Variants in CNTNAP5 observed in about 807,000 individuals in gnomAD.
The protein encoded by CNTNAP5 is contactin-associated protein-like 5.
Under a neutral mutation model 150.2 loss-of-function variants are expected in CNTNAP5, and 72 were observed. The observed-to-expected ratio is 0.48, with a 90% CI of 0.40 to 0.58. The LOEUF (loss-of-function observed/expected upper bound fraction) is 0.58, where lower values mean the gene tolerates loss of function less well. Ranked by LOEUF, CNTNAP5 falls within the 20% of genes least tolerant of loss-of-function variation. The pLI is 0.00. For synonymous variants in CNTNAP5, 672 were observed against 619.8 expected (o/e 1.08, Z -1.25); for missense variants, 1,636 against 1,626.2 (o/e 1.01, Z -0.10).
rs1202216472 is a variant in CNTNAP5, at chr2:124,919,464, T to G, written c.*5176T>G. ...CATGAACAAAGGTTAATGCAAAAGT[T>G]GGTTTTGGTTTCAACCACACCTGCT... On this transcript the variant is annotated 3_prime_UTR_variant, in exon 24 of 24. Coordinates refer to ENST00000682447, the MANE Select transcript of CNTNAP5 (RefSeq NM_001367498.1). 6.6e-6 allele frequency among the ~76,000 whole-genome samples: 1 copy of G among 152,086 alleles called. No homozygotes were observed. The highest frequency in any genetic ancestry group is 2.4e-5 in the African/African-American group (1 of 41,450).
chr2:124,352,933 G>A (rs1689908841), intron 3 of CNTNAP5, among the ~76,000 whole-genome samples: 1 of 152,164 alleles, frequency 6.6e-6, no homozygotes, highest in Non-Finnish European at 1.5e-5. Flanking sequence ...TTTTCACAAT[G>A]AAGTAGTGAT....
chr2:124,336,049 T>TAA (rs562107713), intron 3 of CNTNAP5, among the ~76,000 whole-genome samples: 1 of 148,460 alleles, frequency 6.7e-6, no homozygotes. Context: ...ATGAGGGAGA[T>TAA]AAAAAAAAAA....
intron 16 of CNTNAP5, among the ~76,000 whole-genome samples, chr2:124,772,178 T>A (rs1236876624): frequency 1.3e-5 from 2 of 152,146 alleles, no homozygotes; most frequent in African/African-American, 2.4e-5. Flanking sequence ...TACTTCTGAC[T>A]GGGTGCCATC....
chr2:124,303,827 T>A (rs1370786967), intron 3 of CNTNAP5, among the ~76,000 whole-genome samples: 4 of 151,252 alleles, frequency 2.6e-5, no homozygotes, highest in Admixed American at 2.6e-4. Context: ...AGGCCAGGAG[T>A]TCAAGACCAG....
intron 1 of CNTNAP5, among the ~76,000 whole-genome samples, chr2:124,099,501 G>A (rs1315324418): frequency 1.3e-5 from 2 of 152,206 alleles, no homozygotes; most frequent in African/African-American, 4.8e-5. Flanking sequence ...TTGGCATTGT[G>A]TATCAGACCC....
At chr2:124,068,661 C>A (rs545020087) in intron 1 of CNTNAP5, among the ~76,000 whole-genome samples, 3 of 151,830 alleles carry the variant, frequency 2.0e-5, no homozygotes, top group Admixed American at 2.0e-4. Context: ...CCTCCTTCAA[C>A]ACCAGGTAGC....
chr2:124,340,390 C>G (rs1406686235), intron 3 of CNTNAP5, among the ~76,000 whole-genome samples: 1 of 152,066 alleles, frequency 6.6e-6, no homozygotes, highest in Non-Finnish European at 1.5e-5. Context: ...CAAATATTCT[C>G]TTTATGGGTT....
chr2:124,362,003 A>G (rs987631067), intron 3 of CNTNAP5, among the ~76,000 whole-genome samples: 2 of 152,182 alleles, frequency 1.3e-5, no homozygotes, highest in African/African-American at 2.4e-5. Context: ...GCGGGATATA[A>G]TCTTGTGGTG....
At chr2:124,530,396 C>T (rs73956312) in intron 10 of CNTNAP5, among the ~76,000 whole-genome samples, 2 of 152,106 alleles carry the variant, frequency 1.3e-5, no homozygotes, top group African/African-American at 4.8e-5. Flanking sequence ...TCAAGAGCTC[C>T]CTCCGGTGGA....
intron 6 of CNTNAP5, among the ~76,000 whole-genome samples, chr2:124,465,288 C>G (rs546925412): frequency 5.8e-4 from 88 of 152,226 alleles, no homozygotes; most frequent in African/African-American, 1.7e-3. Context: ...CAGCAAGTTA[C>G]CAGATGGACT....
chr2:124,834,195 C>T (rs1273473884), intron 19 of CNTNAP5, among the ~76,000 whole-genome samples: 1 of 151,996 alleles, frequency 6.6e-6, no homozygotes, highest in East Asian at 1.9e-4. Flanking sequence ...CACCAGATAC[C>T]CTGCTCTTAA....
intron 19 of CNTNAP5, among the ~76,000 whole-genome samples, chr2:124,862,454 G>A (rs571287933): frequency 2.0e-5 from 3 of 152,250 alleles, no homozygotes; most frequent in Non-Finnish European, 4.4e-5. Context: ...CCTAATGAAA[G>A]GGGATGGGGA....
chr2:124,340,842 T>A (rs1689595266), intron 3 of CNTNAP5, among the ~76,000 whole-genome samples: 1 of 148,402 alleles, frequency 6.7e-6, no homozygotes, highest in Non-Finnish European at 1.5e-5. Flanking sequence ...TGTGCGTGTG[T>A]ATATATGTAC....
intron 3 of CNTNAP5, among the ~76,000 whole-genome samples, chr2:124,324,460 GA>G: frequency 6.6e-6 from 1 of 152,316 alleles, no homozygotes; most frequent in East Asian, 1.9e-4. Context: ...TAACGAAAGG[GA>G]GTGAGATTTG....
At chr2:124,492,022 C>G (rs754239818) in intron 7 of CNTNAP5, among the ~76,000 whole-genome samples, 1 of 152,038 alleles carries the variant, frequency 6.6e-6, no homozygotes, top group East Asian at 1.9e-4. Context: ...GTATAGTACC[C>G]TCTTATCAGA....
intron 10 of CNTNAP5, among the ~76,000 whole-genome samples, chr2:124,554,586 A>T (rs973692561): frequency 6.6e-6 from 1 of 151,830 alleles, no homozygotes; most frequent in Non-Finnish European, 1.5e-5. Flanking sequence ...ATACCCAGCT[A>T]ATATTTGAAT....
chr2:124,340,766 C>A (rs1689591359), intron 3 of CNTNAP5, among the ~76,000 whole-genome samples: 2 of 149,426 alleles, frequency 1.3e-5, no homozygotes, highest in Non-Finnish European at 3.0e-5. Context: ...CAAAAACAAA[C>A]AAACAACTAT....
chr2:124,361,080 C>T (rs1013783251), intron 3 of CNTNAP5, among the ~76,000 whole-genome samples: 2 of 140,644 alleles, frequency 1.4e-5, no homozygotes, highest in African/African-American at 5.4e-5. Context: ...TGCTGATACC[C>T]TTTCTTCCAG....
chr2:124,657,135 C>T (rs1235108737), intron 13 of CNTNAP5, among the ~76,000 whole-genome samples: 2 of 152,152 alleles, frequency 1.3e-5, no homozygotes, highest in Middle Eastern at 3.2e-3. Flanking sequence ...ATAGTGTGGC[C>T]ATTCAAAGAG....
Sources: allele counts gnomAD v4.1 joint callset (sites outside exome capture counted in the v4.1 genomes callset), GRCh38; gene constraint gnomAD v4.1.1; transcripts MANE v1.5; gene names NCBI Gene and HGNC (gene_info 2026-07-23, HGNC 2026-07-21).